Variants in CCDC60 observed in about 807,000 individuals in gnomAD.
CCDC60 encodes the protein coiled-coil domain containing 60.
CCDC60 carries 54 observed loss-of-function variants against 63.5 expected under a neutral mutation model. The observed-to-expected ratio is 0.85, with a 90% CI of 0.68 to 1.07. The LOEUF (loss-of-function observed/expected upper bound fraction) is 1.07, where lower values mean the gene tolerates loss of function less well. Among genes scored for constraint, CCDC60 ranks in the 50% least tolerant of loss-of-function variants. The probability of loss-of-function intolerance (pLI) is 0.00; values close to 1 mark genes in which losing one functional copy is unlikely to be tolerated. For synonymous variants in CCDC60, 206 were observed against 238.8 expected, an observed-to-expected ratio of 0.86 and a Z score of 1.27; for missense variants, 651 against 684.3, an observed-to-expected ratio of 0.95 and a Z score of 0.54.
At chr12:119,413,553 T>A (rs1012444642) in intron 1 of CCDC60, among the ~76,000 whole-genome samples, 1 of 152,196 alleles carries the variant, frequency 6.6e-6, no homozygotes, top group Non-Finnish European at 1.5e-5. Context: ...AGAGTAATAG[T>A]GACATTTCCT....
intron 3 of CCDC60, 143 bp downstream of exon 3, chr12:119,472,307 G>C: frequency 1.4e-6 from 1 of 735,274 alleles, no homozygotes; most frequent in South Asian, 1.8e-5. Flanking sequence ...TCTTTAGTGT[G>C]GTCCAACCAA....
chr12:119,345,934 G>A (rs1013799572), intron 1 of CCDC60, among the ~76,000 whole-genome samples: 1 of 150,868 alleles, frequency 6.6e-6, no homozygotes, highest in Non-Finnish European at 1.5e-5. Flanking sequence ...TCTTTTCTCA[G>A]CCTCCCAAAT....
chr12:119,496,104 G>C (rs557944772), intron 5 of CCDC60, among the ~76,000 whole-genome samples: 2 of 152,284 alleles, frequency 1.3e-5, no homozygotes, highest in Admixed American at 1.3e-4. Flanking sequence ...TCAGGAGGTA[G>C]GATGGAACCA....
intron 13 of CCDC60, among the ~76,000 whole-genome samples, chr12:119,539,486 G>A (rs561050531): frequency 3.5e-4 from 54 of 152,296 alleles, no homozygotes; most frequent in African/African-American, 1.2e-3. Context: ...ACACTGTGAG[G>A]GGAAAACTGC....
chr12:119,430,037 G>C (rs1001793501), intron 2 of CCDC60, among the ~76,000 whole-genome samples: 10 of 152,124 alleles, frequency 6.6e-5, no homozygotes, highest in Non-Finnish European at 1.3e-4. Context: ...ATGATGAAAA[G>C]TAATGAAGGG....
rs1404862958 is a variant in CCDC60, at chr12:119,456,010, A to T, written c.171-15984A>T. On this transcript the variant is annotated intron_variant, in intron 2 of 13. Coordinates refer to ENST00000327554, the MANE Select transcript of CCDC60 (RefSeq NM_178499.5). The surrounding 1 kb of genome is among the most constrained non-coding windows in gnomAD (Gnocchi z 4.6). ...GAAAGAGAGAGAGAAAGAGAAAGAA[A>T]GAAAGAAAGAAAGAAAGAAAGAAAG... 3.1e-4 allele frequency among the ~76,000 whole-genome samples: 25 copies of T among 81,486 alleles called. No homozygotes were observed. The highest frequency in any genetic ancestry group is 1.3e-4 in the Admixed American group (1 of 7,722). The allele number at this position is 81,486 out of a possible 152,430, so 53.5% of individuals were successfully genotyped here. A position where few individuals can be genotyped will look rare whatever the true frequency, so the allele number is the denominator to read the frequency against.
intron 1 of CCDC60, among the ~76,000 whole-genome samples, chr12:119,379,996 G>A (rs940305114): frequency 1.3e-5 from 2 of 152,222 alleles, no homozygotes; most frequent in African/African-American, 2.4e-5. Flanking sequence ...GTGTGGGGGT[G>A]CAGGCAAGAA....
chr12:119,476,885 C>G lies in CCDC60; in HGVS notation c.342-2209C>G, dbSNP rs574035614. Among the ~76,000 whole-genome samples, 5 of 152,304 alleles carry G rather than the reference C, an allele frequency of 3.3e-5. 1 individual carries two copies. The East Asian group carries it at 9.6e-4, about 29-fold the overall frequency. ...GAAGGTCTTTCCCTCCTCCATTTACCCAGTTAATTTCCATTCAACCTTCAG... is the reference window on the plus strand; with the variant it reads ...GAAGGTCTTTCCCTCCTCCATTTACGCAGTTAATTTCCATTCAACCTTCAG... On this transcript the variant is annotated intron_variant, in intron 3 of 13. Transcript: ENST00000327554.
At position 119,540,755 on chromosome 12, in the gene CCDC60, T is replaced by C; in HGVS notation, c.*40T>C. 1 of 1,381,286 alleles carries C rather than the reference T, an allele frequency of 7.2e-7. No individual in the cohort carries two copies. Among genetic ancestry groups the C allele is most frequent in the South Asian group, 1.2e-5 (1 of 86,146 alleles). The allele number at this position is 1,381,286 out of a possible 1,614,324, so 85.6% of individuals were successfully genotyped here. ...GACCAGCTGTCTCAGTGGAGGAGTG[T>C]TTGCCTATATCATGTTCCTGTATCC... is the stretch of plus-strand genomic sequence containing the variant. On this transcript the variant is annotated 3_prime_UTR_variant, in exon 14 of 14. Transcript: ENST00000327554.
intron 1 of CCDC60, among the ~76,000 whole-genome samples, chr12:119,417,136 G>A (rs975650912): frequency 6.6e-6 from 1 of 151,992 alleles, no homozygotes. Flanking sequence ...AAGAAAAAAA[G>A]AACATTCCCA....
chr12:119,421,084 T>C (rs963610353), intron 1 of CCDC60, among the ~76,000 whole-genome samples: 23 of 152,324 alleles, frequency 1.5e-4, no homozygotes, highest in African/African-American at 4.3e-4. Flanking sequence ...GTTTCCCTGA[T>C]GTCTGTATCA....
intron 1 of CCDC60, among the ~76,000 whole-genome samples, chr12:119,335,643 GTTGT>G (rs1431655800): frequency 1.3e-5 from 2 of 151,718 alleles, no homozygotes; most frequent in African/African-American, 2.4e-5. Flanking sequence ...TTTTGATGGG[GTTGT>G]TTGTTTTTTT....
intron 13 of CCDC60, among the ~76,000 whole-genome samples, chr12:119,535,527 T>C (rs1037514107): frequency 3.3e-5 from 5 of 152,248 alleles, no homozygotes; most frequent in African/African-American, 1.2e-4. Flanking sequence ...TTTAGATCTT[T>C]CTTGCCTTCT....
chr12:119,444,592 T>A (rs530409496), intron 2 of CCDC60, among the ~76,000 whole-genome samples: 2 of 152,272 alleles, frequency 1.3e-5, no homozygotes, highest in Admixed American at 6.5e-5. Context: ...AAGTTTGTTA[T>A]CCCACAGAAA....
intron 2 of CCDC60, among the ~76,000 whole-genome samples, chr12:119,446,778 GT>G (rs143527930): frequency 3.3e-5 from 5 of 151,180 alleles, no homozygotes; most frequent in South Asian, 2.1e-4. Context: ...TTTTGTTTTT[GT>G]TTTTTTTTAA....
chr12:119,374,493 G>A (rs909593954), intron 1 of CCDC60, among the ~76,000 whole-genome samples: 8 of 152,244 alleles, frequency 5.3e-5, no homozygotes, highest in African/African-American at 1.2e-4. Context: ...CAATCTGGAC[G>A]GGAAAGGGTA....
At chr12:119,520,265 C>G (rs946698814) in intron 9 of CCDC60, 73 bp downstream of exon 9, 1 of 1,222,586 alleles carries the variant, frequency 8.2e-7, no homozygotes, top group African/African-American at 1.5e-5. Context: ...TGCAGGGATG[C>G]TCCTCCCCAG....
Position 119,360,438 on chromosome 12 carries a change from G to A in CCDC60, c.90+25172G>A, listed in dbSNP as rs1157230779. ...GACAGGGTGGCTGCCGGGCGGAGAC[G>A]CTCCTCACTTCCCAGACGGGGTGGC... On this transcript the variant is annotated intron_variant, in intron 1 of 13. Transcript: ENST00000327554. 5.5e-3 allele frequency among the ~76,000 whole-genome samples: 820 copies of A among 150,368 alleles called. 4 individuals are homozygous for A. Among genetic ancestry groups the A allele is most frequent in the African/African-American group, 0.019 (782 of 40,864 alleles).
chr12:119,422,767 G>T (rs1448625208), intron 1 of CCDC60, among the ~76,000 whole-genome samples: 2 of 152,112 alleles, frequency 1.3e-5, no homozygotes, highest in African/African-American at 2.4e-5. Flanking sequence ...ATGGGGTTTT[G>T]CTTGGTTTTT....
Sources: allele counts gnomAD v4.1 joint callset (sites outside exome capture counted in the v4.1 genomes callset), GRCh38; gene constraint gnomAD v4.1.1; non-coding constraint Gnocchi (gnomAD v3.1); transcripts MANE v1.5; gene names NCBI Gene and HGNC (gene_info 2026-07-23, HGNC 2026-07-21).